Variants in METTL15 observed in about 807,000 individuals in gnomAD.
METTL15 encodes the protein methyltransferase 15, mitochondrial 12S rRNA N4-cytidine.
METTL15 carries 34 observed loss-of-function variants against 38.3 expected under a neutral mutation model. The ratio of observed to expected loss-of-function variants is 0.89; its 90% CI spans 0.68 to 1.18. The LOEUF (loss-of-function observed/expected upper bound fraction) is 1.18, where lower values mean the gene tolerates loss of function less well. Ranked by LOEUF, METTL15 falls within the 50% of genes most tolerant of loss-of-function variation. The pLI is 0.00. For synonymous variants in METTL15, 162 were observed against 170.9 expected, an observed-to-expected ratio of 0.95 and a Z score of 0.41; for missense variants, 438 against 498.4, an observed-to-expected ratio of 0.88 and a Z score of 1.15.
intron 5 of METTL15, among the ~76,000 whole-genome samples, chr11:28,365,065 G>T (rs1850173075): frequency 6.6e-6 from 1 of 152,144 alleles, no homozygotes; most frequent in Admixed American, 6.5e-5. Context: ...ATGTGCTGCT[G>T]GATTTGGCTT....
intron 6 of METTL15, among the ~76,000 whole-genome samples, chr11:28,492,072 G>A (rs1166101482): frequency 6.6e-6 from 1 of 152,166 alleles, no homozygotes; most frequent in East Asian, 1.9e-4. Flanking sequence ...ATGGAATGAT[G>A]ATGGCAACAA....
At chr11:28,309,731 G>GT (rs1857209154) in intron 6 of METTL15, among the ~76,000 whole-genome samples, 1 of 152,062 alleles carries the variant, frequency 6.6e-6, no homozygotes, top group African/African-American at 2.4e-5. Context: ...AATCTCCTGC[G>GT]TTTTATGATG....
At chr11:28,492,882 T>C (rs1252883584) in intron 6 of METTL15, among the ~76,000 whole-genome samples, 1 of 152,134 alleles carries the variant, frequency 6.6e-6, no homozygotes, top group African/African-American at 2.4e-5. Context: ...CATAATGAAG[T>C]AGGCATATTA....
intron 6 of METTL15, among the ~76,000 whole-genome samples, chr11:28,506,636 A>T (rs1851629379): frequency 6.6e-6 from 1 of 151,528 alleles, no homozygotes; most frequent in Non-Finnish European, 1.5e-5. Context: ...ATTCTGTATG[A>T]CTTCCTAGTT....
intron 6 of METTL15, among the ~76,000 whole-genome samples, chr11:28,507,061 A>G (rs61889192): frequency 0.4 from 60,582 of 152,030 alleles, 13,817 homozygotes; most frequent in Admixed American, 0.52. Flanking sequence ...TCTTTTTAAC[A>G]CAGTGTTTCA....
At chr11:28,394,665 G>T (rs907822515) in intron 5 of METTL15, among the ~76,000 whole-genome samples, 3 of 152,054 alleles carry the variant, frequency 2.0e-5, no homozygotes, top group African/African-American at 7.2e-5. Flanking sequence ...CACTGAAAAA[G>T]AGTTGTACAC....
chr11:28,524,362 A>G (rs1455178005), intron 6 of METTL15, among the ~76,000 whole-genome samples: 1 of 152,256 alleles, frequency 6.6e-6, no homozygotes, highest in Non-Finnish European at 1.5e-5. Context: ...TCAAGATATC[A>G]TCTATTAATG....
intron 6 of METTL15, among the ~76,000 whole-genome samples, chr11:28,490,499 C>T (rs77351219): frequency 1.3e-5 from 2 of 152,104 alleles, no homozygotes; most frequent in South Asian, 4.1e-4. Context: ...CAGTAGATCA[C>T]AATTTTGGCT....
intron 3 of METTL15, among the ~76,000 whole-genome samples, chr11:28,174,083 A>T (rs988457412): frequency 3.3e-5 from 5 of 152,200 alleles, no homozygotes; most frequent in African/African-American, 1.2e-4. Flanking sequence ...GGAAGTCACT[A>T]AGCACAGTGC....
Position 28,370,625 on chromosome 11 carries a change from C to A in METTL15, c.*358+8589C>A, listed in dbSNP as rs540722189. Among the ~76,000 whole-genome samples, 6 of 151,770 alleles carry A rather than the reference C, an allele frequency of 4.0e-5. No individual in the cohort carries two copies. In the South Asian group the frequency reaches 1.2e-3, roughly 31 times the overall value. On this transcript the variant is annotated intron_variant and NMD_transcript_variant, in intron 5 of 7. Transcript: ENST00000532947. Reference sequence around the variant, plus strand: ...GTTCTATTTTTGTTTTTTTGAGAAACGTTCATACATTTTCCATAGTGACTG... The same window carrying A: ...GTTCTATTTTTGTTTTTTTGAGAAAAGTTCATACATTTTCCATAGTGACTG...
intron 6 of METTL15, among the ~76,000 whole-genome samples, chr11:28,301,973 A>G (rs552442262): frequency 1.6e-3 from 245 of 152,156 alleles, no homozygotes; most frequent in Middle Eastern, 3.4e-3. Flanking sequence ...CAGTGGTGCA[A>G]TCATAGTTGA....
chr11:28,470,581 A>G lies in METTL15; in HGVS notation c.*424+46217A>G, dbSNP rs778278354. 3.9e-5 allele frequency among the ~76,000 whole-genome samples: 6 copies of G among 152,252 alleles called. No homozygotes were observed. The South Asian group carries it at 1.0e-3, about 26-fold the overall frequency. On this transcript the variant is annotated intron_variant and NMD_transcript_variant, in intron 6 of 7. Transcript: ENST00000532947. ...TAATAATGGCAGAGCAATAAGATAAATGAATTCTGGGTTCCTGAAGCCTTC... is the reference window on the plus strand; with the variant it reads ...TAATAATGGCAGAGCAATAAGATAAGTGAATTCTGGGTTCCTGAAGCCTTC...
At chr11:28,288,488 C>G (rs1382542886) in intron 4 of METTL15, among the ~76,000 whole-genome samples, 1 of 152,076 alleles carries the variant, frequency 6.6e-6, no homozygotes. Flanking sequence ...AGCCATAAAA[C>G]AGAATGAGAA....
At chr11:28,380,048 C>T in intron 5 of METTL15, among the ~76,000 whole-genome samples, 1 of 151,814 alleles carries the variant, frequency 6.6e-6, no homozygotes, top group Non-Finnish European at 1.5e-5. Flanking sequence ...TGGTTTATTT[C>T]CATAGAATAT....
rs1849827255 is a variant in METTL15 at position 28,331,909 on chromosome 11, T to G, written c.*1068T>G. The G allele has an allele frequency of 6.6e-6, 1 of 152,172 alleles. No individual in the cohort carries two copies. Among genetic ancestry groups the G allele is most frequent in the African/African-American group, 2.4e-5 (1 of 41,458 alleles). 9.4% of individuals were successfully genotyped at this position (152,172 alleles called of 1,614,324 possible). A position where few individuals can be genotyped will look rare whatever the true frequency, so the allele number is the denominator to read the frequency against. On this transcript the variant is annotated 3_prime_UTR_variant, in exon 7 of 7. Transcript: ENST00000407364. Reference sequence around the variant, plus strand: ...GGAGTATGGAAGGGGGCATGTTGATTAACCATACATAGAAATAAATATTCT... The same window carrying G: ...GGAGTATGGAAGGGGGCATGTTGATGAACCATACATAGAAATAAATATTCT...
chr11:28,495,980 G>C (rs1023707740), intron 6 of METTL15, among the ~76,000 whole-genome samples: 4 of 152,116 alleles, frequency 2.6e-5, no homozygotes, highest in African/African-American at 9.7e-5. Context: ...TGAATGCATG[G>C]GGGTCCGTTT....
At chr11:28,118,600 A>T (rs973132789) in intron 3 of METTL15, among the ~76,000 whole-genome samples, 3 of 152,310 alleles carry the variant, frequency 2.0e-5, no homozygotes, top group African/African-American at 4.8e-5. Flanking sequence ...TAAATAGCTA[A>T]ATTCTGCTTA....
In METTL15 at chr11:28,328,041, A is replaced by G. The variant is rs559604963; in HGVS notation, c.779-2355A>G. ...CAGTTCTTATTGATTTATGTGCTCC[A>G]TGAATGTTTACTTCCTATTTTACAT... On this transcript the variant is annotated intron_variant, in intron 6 of 6. Transcript: ENST00000407364. The G allele has an allele frequency of 2.0e-4, 315 of 1,562,360 alleles. 7 individuals are homozygous for G. In the South Asian group the frequency reaches 3.4e-3, roughly 17 times the overall value.
chr11:28,248,263 C>G (rs1297490229), intron 4 of METTL15, among the ~76,000 whole-genome samples: 1 of 152,090 alleles, frequency 6.6e-6, no homozygotes, highest in East Asian at 1.9e-4. Flanking sequence ...CCACTTAATA[C>G]TGACCTCAGG....
Sources: gnomAD v4.1 joint callset for allele counts (sites outside exome capture counted in the v4.1 genomes callset) on GRCh38, gnomAD v4.1.1 for gene constraint, MANE v1.5 for transcripts, NCBI Gene and HGNC (gene_info 2026-07-23, HGNC 2026-07-21) for gene names.